FYN: variants seen among roughly 807,000 people sequenced by gnomAD.
The protein encoded by FYN is FYN proto-oncogene, Src family tyrosine kinase.
In FYN, 10 loss-of-function variants were observed where a neutral mutation model predicts 70.2. The observed-to-expected ratio is 0.14, with a 90% confidence interval of 0.09 to 0.24. The LOEUF (loss-of-function observed/expected upper bound fraction) is 0.24. Ranked by LOEUF, FYN falls within the 10% of genes least tolerant of loss-of-function variation. FYN has a pLI of 1.00. For synonymous variants in FYN, 236 were observed against 248.6 expected, an observed-to-expected ratio of 0.95 and a Z score of 0.48; for missense variants, 319 against 673.1, an observed-to-expected ratio of 0.47 and a Z score of 5.82.
At position 111,776,594 on chromosome 6, in the gene FYN, G is replaced by C. The variant is rs558444850; in HGVS notation, c.-12+3972C>G. 1.3e-3 allele frequency among the ~76,000 whole-genome samples: 197 copies of C among 152,260 alleles called. 1 individual carries two copies. The highest frequency in any genetic ancestry group is 2.2e-3 in the Admixed American group (33 of 15,294). On this transcript the variant is annotated intron_variant, in intron 3 of 13. Coordinates refer to ENST00000354650, the MANE Select transcript of FYN (RefSeq NM_002037.5). ...AAAATGAAGGGTAGTAAAGTTGAGA[G>C]AATATTACACCACAGCTTTTGGTAA...
intron 4 of FYN, among the ~76,000 whole-genome samples, chr6:111,716,571 G>T (rs1206593431): frequency 6.6e-6 from 1 of 151,960 alleles, no homozygotes. Context: ...TGGTTAGAGG[G>T]GAGGGGAAAT....
intron 3 of FYN, among the ~76,000 whole-genome samples, chr6:111,730,931 C>T (rs1161196739): frequency 1.3e-5 from 2 of 152,148 alleles, no homozygotes; most frequent in African/African-American, 4.8e-5. Flanking sequence ...ATCTGGGCCA[C>T]AGTGGCAGAG....
chr6:111,839,128 T>C (rs1583484631), intron 2 of FYN, among the ~76,000 whole-genome samples: 1 of 152,184 alleles, frequency 6.6e-6, no homozygotes, highest in South Asian at 2.1e-4. Flanking sequence ...CAGCCATACA[T>C]TTCTGCTGCC....
chr6:111,830,986 T>C (rs1772999635), intron 2 of FYN, among the ~76,000 whole-genome samples: 1 of 152,124 alleles, frequency 6.6e-6, no homozygotes, highest in South Asian at 2.1e-4. Context: ...AGGGGGGCTA[T>C]TTGTGTAATC....
chr6:111,717,197 G>A (rs553999761), intron 4 of FYN, among the ~76,000 whole-genome samples: 2 of 151,952 alleles, frequency 1.3e-5, no homozygotes, highest in African/African-American at 2.4e-5. Flanking sequence ...GTTGTTAAAC[G>A]TCAAAAGACA....
intron 3 of FYN, among the ~76,000 whole-genome samples, chr6:111,728,444 T>C: frequency 7.1e-6 from 1 of 141,238 alleles, no homozygotes; most frequent in East Asian, 2.6e-4. Flanking sequence ...CATTATCTAA[T>C]TCCAGAACAT....
intron 13 of FYN, 51 bp downstream of exon 13, chr6:111,674,448 G>A (rs1451505157): frequency 6.4e-7 from 1 of 1,562,062 alleles, no homozygotes. Flanking sequence ...CCCAAATGGT[G>A]TCAAAAAAGC....
At chr6:111,773,573 AGG>A (rs1803568931) in intron 3 of FYN, among the ~76,000 whole-genome samples, 1 of 58,668 alleles carries the variant, frequency 1.7e-5, no homozygotes, top group African/African-American at 7.4e-5. Flanking sequence ...GGAGAGGGAG[AGG>A]GGGAGGGGGA....
At chr6:111,695,486 G>A (rs1389119646) in intron 10 of FYN, among the ~76,000 whole-genome samples, 1 of 152,084 alleles carries the variant, frequency 6.6e-6, no homozygotes, top group East Asian at 1.9e-4. Flanking sequence ...AGAAGCTGGA[G>A]GCTTATGATG....
Position 111,859,990 on chromosome 6 carries a change from G to A in FYN, c.-123+12978C>T, listed in dbSNP as rs867834167. On this transcript the variant is annotated intron_variant, in intron 1 of 13. Coordinates refer to ENST00000354650, the MANE Select transcript of FYN (RefSeq NM_002037.5). ...GCAGAGGAAAATACCCTGTGAAGAT[G>A]GAGGCAGAGATTGTAGTGACATGCC... Among the ~76,000 whole-genome samples, 9 of 152,216 alleles carry A rather than the reference G, an allele frequency of 5.9e-5. No homozygotes were observed. The South Asian group carries it at 1.0e-3, about 18-fold the overall frequency.
At chr6:111,872,044 T>A (rs1285097821) in intron 1 of FYN, among the ~76,000 whole-genome samples, 2 of 152,214 alleles carry the variant, frequency 1.3e-5, no homozygotes, top group Admixed American at 6.5e-5. Flanking sequence ...GTCTCCTCTC[T>A]ATGCACTGAA....
chr6:111,675,740 C>T (rs1798503400), intron 12 of FYN, among the ~76,000 whole-genome samples: 1 of 151,680 alleles, frequency 6.6e-6, no homozygotes, highest in African/African-American at 2.4e-5. Context: ...TTGCAGTGAG[C>T]CGAGATCGTG....
At chr6:111,848,579 A>G (rs1253557263) in intron 1 of FYN, among the ~76,000 whole-genome samples, 13 of 152,122 alleles carry the variant, frequency 8.5e-5, no homozygotes, top group Admixed American at 8.5e-4. Context: ...CAATATATAC[A>G]CCCATCATTC....
At chr6:111,743,201 G>A (rs780681532) in intron 3 of FYN, among the ~76,000 whole-genome samples, 7 of 152,162 alleles carry the variant, frequency 4.6e-5, no homozygotes, top group African/African-American at 1.4e-4. Context: ...TCCTGACCTC[G>A]TGATCTGCCC....
intron 2 of FYN, among the ~76,000 whole-genome samples, chr6:111,826,854 T>A (rs1008574094): frequency 3.3e-5 from 5 of 152,182 alleles, no homozygotes; most frequent in African/African-American, 1.2e-4. Flanking sequence ...AATAAACATT[T>A]GTAATTAGAA....
At chr6:111,869,605 G>GC (rs1472066132) in intron 1 of FYN, among the ~76,000 whole-genome samples, 1 of 152,132 alleles carries the variant, frequency 6.6e-6, no homozygotes, top group Non-Finnish European at 1.5e-5. Context: ...TGTTGCCCAG[G>GC]CTGATAACAA....
chr6:111,765,805 ATTAGAC>A (rs1803208707), intron 3 of FYN, among the ~76,000 whole-genome samples: 1 of 151,682 alleles, frequency 6.6e-6, no homozygotes, highest in Admixed American at 6.6e-5. Context: ...CTTGCAGCAG[ATTAGAC>A]TTAGACTCTA....
At chr6:111,730,959 C>A (rs1009065171) in intron 3 of FYN, among the ~76,000 whole-genome samples, 1 of 152,210 alleles carries the variant, frequency 6.6e-6, no homozygotes, top group South Asian at 2.1e-4. Flanking sequence ...TTCTGGGCTG[C>A]GCCTGTTTAA....
intron 1 of FYN, among the ~76,000 whole-genome samples, chr6:111,865,539 A>C (rs1436058743): frequency 1.3e-5 from 2 of 152,158 alleles, no homozygotes; most frequent in Non-Finnish European, 1.5e-5. Context: ...CTTATTCCTA[A>C]GTTGTCTATA....
Sources: allele counts gnomAD v4.1 joint callset (sites outside exome capture counted in the v4.1 genomes callset), GRCh38; gene constraint gnomAD v4.1.1; transcripts MANE v1.5; gene names NCBI Gene and HGNC (gene_info 2026-07-23, HGNC 2026-07-21).